TICRR: variants seen among roughly 807,000 people sequenced by gnomAD.
TICRR encodes TOPBP1 interacting checkpoint and replication regulator.
A neutral mutation model predicts 178.1 loss-of-function variants in TICRR; 132 were observed. The observed-to-expected ratio is 0.74, with a 90% confidence interval of 0.64 to 0.86. The LOEUF is 0.86. TICRR is among the 40% of genes least tolerant of loss of function. The pLI, the probability that TICRR is intolerant of heterozygous loss-of-function variation, is 0.00. For missense variants in TICRR, 2,587 were observed against 2,334.3 expected, an observed-to-expected ratio of 1.11 and a Z score of -2.23; for synonymous variants, 991 against 900.7, an observed-to-expected ratio of 1.10 and a Z score of -1.79.
At position 89,576,862 on chromosome 15, in the gene TICRR, C is replaced by T. The variant is rs866413037; in HGVS notation, c.654+622C>T. On this transcript the variant is annotated intron_variant, in intron 1 of 21. Transcript: ENST00000268138. ...ATATATATATATATATATATATATA[C>T]ACACACACACATATATATACACATT... Among the ~76,000 whole-genome samples, 578 of 127,942 alleles carry T rather than the reference C, an allele frequency of 4.5e-3. 4 individuals are homozygous for T. Among genetic ancestry groups the T allele is most frequent in the African/African-American group, 0.017 (529 of 30,938 alleles). 83.9% of individuals were successfully genotyped at this position (127,942 alleles called of 152,430 possible). A position where few individuals can be genotyped will look rare whatever the true frequency, so the allele number is the denominator to read the frequency against.
intron 1 of TICRR, among the ~76,000 whole-genome samples, chr15:89,581,413 A>C (rs917075228): frequency 2.0e-5 from 3 of 152,178 alleles, no homozygotes; most frequent in African/African-American, 7.2e-5. Context: ...GAAGTTACTC[A>C]ATAAAAGTTT....
At chr15:89,598,580 T>C in intron 7 of TICRR, among the ~76,000 whole-genome samples, 1 of 147,776 alleles carries the variant, frequency 6.8e-6, no homozygotes, top group East Asian at 2.2e-4. Flanking sequence ...GCCAGGCTGG[T>C]CTTGAACTCC....
chr15:89,598,354 C>G (rs1179079742), intron 7 of TICRR, among the ~76,000 whole-genome samples: 1 of 124,972 alleles, frequency 8.0e-6, no homozygotes, highest in Non-Finnish European at 1.9e-5. Context: ...TTCTTCCTAC[C>G]TTTAAATTGT....
Position 89,582,888 on chromosome 15 carries a change from A to G in TICRR, c.857A>G (p.Asn286Ser). 6.2e-7 allele frequency: 1 copy of G among 1,613,990 alleles called. No individual in the cohort carries two copies. Among genetic ancestry groups the G allele is most frequent in the Non-Finnish European group, 8.5e-7 (1 of 1,179,990 alleles). ...ATGCTGCCAACTGATGCCACTTTAAACCGTTTGCTCTACAATTCTCCTGAG... is the reference window on the plus strand; with the variant it reads ...ATGCTGCCAACTGATGCCACTTTAAGCCGTTTGCTCTACAATTCTCCTGAG... ...ISMLPTDATLNRLLYNSPEYE... is the reference protein window; with the variant it reads ...ISMLPTDATLSRLLYNSPEYE... The change falls in exon 2 of 22, where the codon AAC (asparagine) becomes AGC (serine). Residue 286 changes from asparagine (N) to serine (S), a missense_variant. Asn to Ser is a conservative substitution (Grantham distance 46). Transcript: ENST00000268138.
At position 89,585,942 on chromosome 15, in the gene TICRR, G is replaced by A; in HGVS notation, c.1411G>A (p.Ala471Thr). 1 of 1,612,640 alleles carries A rather than the reference G, an allele frequency of 6.2e-7. No individual in the cohort carries two copies. The highest frequency in any genetic ancestry group is 8.5e-7 in the Non-Finnish European group (1 of 1,178,742). Residue 471 changes from alanine (A) to threonine (T), a missense_variant and splice_region_variant, in exon 4 of 22, where the codon GCT becomes ACT. Coordinates refer to ENST00000268138, the MANE Select transcript of TICRR (RefSeq NM_152259.4). ...TTCGCTTGCAGATACTGCTTCTGCT[G>A]GTAAGCTCCTAAACTAGTAACTAAC... ...HDSLADTASA[A>T]SPVPEWAQQE...
intron 14 of TICRR, 149 bp downstream of exon 14, chr15:89,606,974 C>A: frequency 1.8e-6 from 1 of 555,604 alleles, no homozygotes; most frequent in Non-Finnish European, 3.2e-6. Flanking sequence ...TGGACATAGT[C>A]CCCTAGGAAT....
chr15:89,607,058 A>G (rs2141969526), intron 14 of TICRR, among the ~76,000 whole-genome samples: 1 of 152,098 alleles, frequency 6.6e-6, no homozygotes, highest in African/African-American at 2.4e-5. Context: ...TAAAAAAAAC[A>G]TCATGAAAGC....
chr15:89,592,767 G>A (rs372752776), intron 5 of TICRR, among the ~76,000 whole-genome samples: 53 of 152,262 alleles, frequency 3.5e-4, no homozygotes, highest in African/African-American at 9.9e-4. Flanking sequence ...AAATGTAAAC[G>A]ATATGGCAGA....
chr15:89,590,696 C>T (rs140563566), intron 4 of TICRR, among the ~76,000 whole-genome samples: 1 of 152,334 alleles, frequency 6.6e-6, no homozygotes, highest in East Asian at 1.9e-4. Context: ...CATGTGCTAA[C>T]ATTTATACGT....
intron 5 of TICRR, among the ~76,000 whole-genome samples, chr15:89,592,438 C>A (rs916615359): frequency 2.0e-5 from 3 of 151,970 alleles, no homozygotes; most frequent in African/African-American, 7.3e-5. Context: ...TAAATAAATA[C>A]TCCCTTAAAG....
intron 4 of TICRR, among the ~76,000 whole-genome samples, chr15:89,587,099 G>A (rs371868991): frequency 1.3e-5 from 2 of 152,184 alleles, no homozygotes; most frequent in South Asian, 4.1e-4. Context: ...TATTTTGAAG[G>A]TAAAGCCAAC....
intron 17 of TICRR, among the ~76,000 whole-genome samples, chr15:89,618,839 G>A (rs1374230704): frequency 6.6e-6 from 1 of 152,180 alleles, no homozygotes; most frequent in Non-Finnish European, 1.5e-5. Flanking sequence ...TACTCCTATG[G>A]TCCCAGCTAC....
chr15:89,581,201 TC>T (rs1962718624), intron 1 of TICRR, among the ~76,000 whole-genome samples: 1 of 150,402 alleles, frequency 6.6e-6, no homozygotes, highest in Non-Finnish European at 1.5e-5. Context: ...CCCTTCTAGT[TC>T]TGATTCCTAA....
chr15:89,584,661 C>A, intron 3 of TICRR, 134 bp downstream of exon 3: 3 of 905,794 alleles, frequency 3.3e-6, no homozygotes, highest in Middle Eastern at 2.5e-4. Flanking sequence ...ATATTGTTGA[C>A]ATTATAGTAT....
Position 89,599,236 on chromosome 15 carries a change from A to G in TICRR, c.1901-88A>G, listed in dbSNP as rs75348608. The G allele has an allele frequency of 0.013, 14,553 of 1,125,174 alleles. 1,368 individuals are homozygous for G. In the African/African-American group the frequency reaches 0.2, roughly 16 times the overall value. The allele number at this position is 1,125,174 out of a possible 1,614,324, so 69.7% of individuals were successfully genotyped here. A position where few individuals can be genotyped will look rare whatever the true frequency, so the allele number is the denominator to read the frequency against. On this transcript the variant is annotated intron_variant, in intron 7 of 21. Coordinates refer to ENST00000268138, the MANE Select transcript of TICRR (RefSeq NM_152259.4). ...GGCCAAATGTTCCCTGCAAGGAAAT[A>G]TTTTCCCCAGTGGACAACAACTGGC... is the stretch of plus-strand genomic sequence containing the variant.
At chr15:89,597,099 C>T (rs1252414859) in intron 7 of TICRR, among the ~76,000 whole-genome samples, 4 of 152,094 alleles carry the variant, frequency 2.6e-5, no homozygotes, top group Non-Finnish European at 2.9e-5. Context: ...TGGTTTTATA[C>T]GTGTCTGTAC....
chr15:89,607,958 T>G (rs1338142096), intron 14 of TICRR, among the ~76,000 whole-genome samples: 5 of 152,168 alleles, frequency 3.3e-5, no homozygotes, highest in Non-Finnish European at 7.4e-5. Context: ...CTTAGTAAAG[T>G]AGTCAGAAGA....
chr15:89,625,727 C>T lies in TICRR; in HGVS notation c.5417C>T (p.Ser1806Phe). ...DSEVSKSKEGSPSWSAWQLPS... is the reference protein window; with the variant it reads ...DSEVSKSKEGFPSWSAWQLPS... Reference sequence around the variant, plus strand: ...GAAGTTAGTAAGAGTAAAGAGGGGTCTCCAAGTTGGAGTGCATGGCAGCTA... The same window carrying T: ...GAAGTTAGTAAGAGTAAAGAGGGGTTTCCAAGTTGGAGTGCATGGCAGCTA... Residue 1806 changes from serine to phenylalanine, a missense_variant, in exon 20 of 22, where the codon TCT (serine) becomes TTT (phenylalanine). By Grantham distance (155) the Ser-to-Phe change is radical (BLOSUM62 -2). Transcript: ENST00000268138. 6.2e-7 allele frequency: 1 copy of T among 1,613,214 alleles called. No homozygotes were observed. Among genetic ancestry groups the T allele is most frequent in the African/African-American group, 1.3e-5 (1 of 75,034 alleles).
intron 7 of TICRR, among the ~76,000 whole-genome samples, chr15:89,597,537 A>AG (rs1313052275): frequency 6.6e-6 from 1 of 151,912 alleles, no homozygotes; most frequent in African/African-American, 2.4e-5. Flanking sequence ...AAAAAAAAAA[A>AG]AAAATCCGTT....
Sources: gnomAD v4.1 joint callset for allele counts (sites outside exome capture counted in the v4.1 genomes callset) on GRCh38, gnomAD v4.1.1 for gene constraint, MANE v1.5 for transcripts, NCBI Gene and HGNC (gene_info 2026-07-23, HGNC 2026-07-21) for gene names.